Variants in PDLIM5 observed in about 807,000 individuals in gnomAD.
PDLIM5 encodes PDZ and LIM domain 5.
A neutral mutation model predicts 64.2 loss-of-function variants in PDLIM5; 34 were observed. The observed-to-expected ratio is 0.53, with a 90% CI of 0.40 to 0.71. The LOEUF (loss-of-function observed/expected upper bound fraction) is 0.71, where lower values mean the gene tolerates loss of function less well. Ranked by LOEUF, PDLIM5 falls within the 30% of genes least tolerant of loss-of-function variation. PDLIM5 has a pLI of 0.00. For synonymous variants in PDLIM5, 253 were observed against 269.1 expected (o/e 0.94, Z 0.59); for missense variants, 683 against 733.6 (o/e 0.93, Z 0.80).
intron 3 of PDLIM5, among the ~76,000 whole-genome samples, chr4:94,546,339 T>C (rs891777409): frequency 2.0e-5 from 3 of 152,104 alleles, no homozygotes; most frequent in Admixed American, 2.0e-4. Context: ...CACACATCTA[T>C]ATACACACAA....
intron 2 of PDLIM5, among the ~76,000 whole-genome samples, chr4:94,492,079 G>T (rs558556833): frequency 6.6e-6 from 1 of 150,546 alleles, no homozygotes; most frequent in Non-Finnish European, 1.5e-5. Flanking sequence ...AAAGTAATTT[G>T]TATAATAGTC....
intron 3 of PDLIM5, among the ~76,000 whole-genome samples, chr4:94,531,104 A>C (rs1659247028): frequency 6.6e-6 from 1 of 152,040 alleles, no homozygotes; most frequent in African/African-American, 2.4e-5. Context: ...TCCCATTTGA[A>C]GTTACTTTTT....
At chr4:94,549,160 T>C (rs1054743233) in intron 3 of PDLIM5, among the ~76,000 whole-genome samples, 7 of 152,194 alleles carry the variant, frequency 4.6e-5, no homozygotes, top group African/African-American at 1.7e-4. Flanking sequence ...ATACGCAGAG[T>C]TAATTGACCT....
At chr4:94,639,941 C>T (rs1740864800) in intron 8 of PDLIM5, among the ~76,000 whole-genome samples, 2 of 151,716 alleles carry the variant, frequency 1.3e-5, no homozygotes, top group South Asian at 4.2e-4. Flanking sequence ...GCACGAGAAT[C>T]GCTTAAACCC....
At chr4:94,479,281 GT>G (rs1725633125) in intron 2 of PDLIM5, among the ~76,000 whole-genome samples, 2 of 146,778 alleles carry the variant, frequency 1.4e-5, no homozygotes, top group Non-Finnish European at 3.0e-5. Context: ...CCTATTATTG[GT>G]TAGACAAAAT....
At chr4:94,563,958 CTT>C (rs796820308) in intron 3 of PDLIM5, among the ~76,000 whole-genome samples, 20 of 119,360 alleles carry the variant, frequency 1.7e-4, no homozygotes, top group South Asian at 5.6e-4. Context: ...TTCTTTCTTT[CTT>C]TTTTTTTTTT....
At chr4:94,543,335 A>G (rs990860696) in intron 3 of PDLIM5, among the ~76,000 whole-genome samples, 1 of 151,896 alleles carries the variant, frequency 6.6e-6, no homozygotes, top group Non-Finnish European at 1.5e-5. Flanking sequence ...AAAGTTGTAT[A>G]TGTTTATCAT....
chr4:94,475,767 A>T (rs1725268160), intron 2 of PDLIM5, among the ~76,000 whole-genome samples: 2 of 152,180 alleles, frequency 1.3e-5, no homozygotes, highest in South Asian at 4.1e-4. Flanking sequence ...TAAGATGGTT[A>T]AAAAATAGGA....
At chr4:94,481,775 AT>A (rs565351485) in intron 2 of PDLIM5, among the ~76,000 whole-genome samples, 2,201 of 144,732 alleles carry the variant, frequency 0.015, 28 homozygotes, top group Non-Finnish European at 0.025. Context: ...CACCTGGCTA[AT>A]TTTTTTGTAT....
chr4:94,554,628 T>G (rs1733102709), intron 3 of PDLIM5, among the ~76,000 whole-genome samples: 1 of 152,178 alleles, frequency 6.6e-6, no homozygotes. Flanking sequence ...AATCACGTAA[T>G]TATAATTTTG....
chr4:94,650,030 A>C (rs1254246828), intron 9 of PDLIM5, among the ~76,000 whole-genome samples: 1 of 152,228 alleles, frequency 6.6e-6, no homozygotes, highest in African/African-American at 2.4e-5. Context: ...ATTCAGCGAA[A>C]GAATTACTTT....
At chr4:94,473,506 C>T (rs1382824724) in intron 2 of PDLIM5, among the ~76,000 whole-genome samples, 1 of 152,162 alleles carries the variant, frequency 6.6e-6, no homozygotes, top group Non-Finnish European at 1.5e-5. Context: ...GTGATCCACC[C>T]GCCTTGGCCT....
At chr4:94,485,180 T>C (rs1726204337) in intron 2 of PDLIM5, among the ~76,000 whole-genome samples, 2 of 152,232 alleles carry the variant, frequency 1.3e-5, no homozygotes. Flanking sequence ...TACTTCTTGA[T>C]AGACACTAAT....
At chr4:94,523,231 G>C (rs1729987055) in intron 2 of PDLIM5, among the ~76,000 whole-genome samples, 1 of 152,166 alleles carries the variant, frequency 6.6e-6, no homozygotes, top group South Asian at 2.1e-4. Flanking sequence ...CCAAACCCTG[G>C]ATATGAACTG....
chr4:94,474,397 TG>T (rs1349931653), intron 2 of PDLIM5, among the ~76,000 whole-genome samples: 1 of 151,512 alleles, frequency 6.6e-6, no homozygotes, highest in Non-Finnish European at 1.5e-5. Context: ...ATTACAGGCA[TG>T]CGCCACCACG....
At position 94,630,954 on chromosome 4, in the gene PDLIM5, C is replaced by T. The variant is rs969539229; in HGVS notation, c.1109-9322C>T. 8.5e-5 allele frequency among the ~76,000 whole-genome samples: 13 copies of T among 152,268 alleles called. No homozygotes were observed. The East Asian group carries it at 1.9e-3, about 23-fold the overall frequency. ...TATGTTTCTCATTCTGTTGCCCAGG[C>T]TGAGGTGCAGTGATGTCATCACAGC... is the stretch of plus-strand genomic sequence containing the variant. On this transcript the variant is annotated intron_variant, in intron 8 of 12. Coordinates refer to ENST00000317968, the MANE Select transcript of PDLIM5 (RefSeq NM_006457.5).
intron 2 of PDLIM5, among the ~76,000 whole-genome samples, chr4:94,466,548 A>C (rs574138497): frequency 1.1e-4 from 17 of 152,266 alleles, no homozygotes; most frequent in African/African-American, 4.1e-4. Context: ...TGGGAACCAT[A>C]TGTAGCTTTG....
At chr4:94,625,018 T>G (rs920534204) in intron 8 of PDLIM5, among the ~76,000 whole-genome samples, 2 of 152,228 alleles carry the variant, frequency 1.3e-5, no homozygotes, top group Admixed American at 6.5e-5. Context: ...GGTAATCCAA[T>G]CTGGAGATAG....
intron 2 of PDLIM5, among the ~76,000 whole-genome samples, chr4:94,466,735 T>C (rs1724402266): frequency 6.6e-6 from 1 of 152,240 alleles, no homozygotes; most frequent in Non-Finnish European, 1.5e-5. Context: ...TCAGTCACCA[T>C]AGGTCAAGTC....
Sources: allele counts gnomAD v4.1 joint callset (sites outside exome capture counted in the v4.1 genomes callset), GRCh38; gene constraint gnomAD v4.1.1; transcripts MANE v1.5; gene names NCBI Gene and HGNC (gene_info 2026-07-23, HGNC 2026-07-21).